The following CDKAL1 variants were observed in gnomAD, a reference collection of about 807,000 sequenced individuals.
CDKAL1 encodes CDKAL1 threonylcarbamoyladenosine tRNA methylthiotransferase.
A neutral mutation model predicts 68.2 loss-of-function variants in CDKAL1; 32 were observed. The ratio of observed to expected loss-of-function variants is 0.47; its 90% confidence interval spans 0.35 to 0.63. CDKAL1 has a LOEUF of 0.63. CDKAL1 is among the 30% of genes least tolerant of loss of function. CDKAL1 has a pLI of 0.00. For missense variants in CDKAL1, 606 were observed against 696.7 expected (o/e 0.87, Z 1.47); for synonymous variants, 234 against 244.3 (o/e 0.96, Z 0.39).
intron 5 of CDKAL1, among the ~76,000 whole-genome samples, chr6:20,736,495 G>C (rs1773199495): frequency 6.6e-6 from 1 of 152,108 alleles, no homozygotes; most frequent in Non-Finnish European, 1.5e-5. Context: ...TTCCGGCCGG[G>C]GGCGGTGGCT....
At chr6:20,914,318 A>G (rs1385156991) in intron 9 of CDKAL1, among the ~76,000 whole-genome samples, 1 of 152,120 alleles carries the variant, frequency 6.6e-6, no homozygotes, top group Non-Finnish European at 1.5e-5. Flanking sequence ...ACCAAAGTTT[A>G]TGTTATACCC....
chr6:20,858,722 A>G (rs1396590510), intron 9 of CDKAL1, among the ~76,000 whole-genome samples: 4 of 152,178 alleles, frequency 2.6e-5, no homozygotes, highest in African/African-American at 4.8e-5. Context: ...AGTGTTATAA[A>G]ATTGCATGTA....
At chr6:21,028,260 C>T (rs547552408) in intron 11 of CDKAL1, among the ~76,000 whole-genome samples, 2 of 152,290 alleles carry the variant, frequency 1.3e-5, no homozygotes, top group East Asian at 1.9e-4. Context: ...TAAGGGTTTT[C>T]TCTGTGCCAA....
chr6:21,204,924 A>T (rs1030839413), intron 15 of CDKAL1, among the ~76,000 whole-genome samples: 1 of 152,080 alleles, frequency 6.6e-6, no homozygotes, highest in Non-Finnish European at 1.5e-5. Context: ...GAAACCCTGT[A>T]CTCATTAAAC....
At chr6:20,767,324 A>G (rs1774744461) in intron 7 of CDKAL1, among the ~76,000 whole-genome samples, 1 of 152,184 alleles carries the variant, frequency 6.6e-6, no homozygotes, top group Non-Finnish European at 1.5e-5. Flanking sequence ...ACAATAGTAA[A>G]TTGTATTGTA....
chr6:20,563,409 A>G (rs963568976), intron 4 of CDKAL1, among the ~76,000 whole-genome samples: 2 of 141,140 alleles, frequency 1.4e-5, no homozygotes, highest in African/African-American at 2.4e-5. Context: ...AGCTTTAGGG[A>G]GAGTATTTGA....
At chr6:20,671,464 A>G (rs764816724) in intron 5 of CDKAL1, among the ~76,000 whole-genome samples, 5 of 152,182 alleles carry the variant, frequency 3.3e-5, no homozygotes, top group Non-Finnish European at 5.9e-5. Flanking sequence ...ATTCTTTGCC[A>G]TTAAATTTAT....
intron 9 of CDKAL1, among the ~76,000 whole-genome samples, chr6:20,903,043 A>G (rs574436964): frequency 2.0e-5 from 3 of 152,300 alleles, no homozygotes; most frequent in African/African-American, 7.2e-5. Context: ...GCAAGTTTGA[A>G]TATGTGACTT....
intron 13 of CDKAL1, among the ~76,000 whole-genome samples, chr6:21,195,504 T>TATTA (rs1778434322): frequency 6.8e-6 from 1 of 146,392 alleles, no homozygotes; most frequent in African/African-American, 2.5e-5. Context: ...TTTATTTATT[T>TATTA]ATTTATTTAT....
intron 13 of CDKAL1, among the ~76,000 whole-genome samples, chr6:21,156,472 A>G (rs1776650659): frequency 2.0e-5 from 3 of 151,658 alleles, no homozygotes; most frequent in African/African-American, 4.8e-5. Context: ...AATATACACT[A>G]CAGTGTTAAC....
At chr6:20,921,362 G>C (rs977745775) in intron 9 of CDKAL1, among the ~76,000 whole-genome samples, 1 of 152,168 alleles carries the variant, frequency 6.6e-6, no homozygotes, top group African/African-American at 2.4e-5. Context: ...CCAGGGTACA[G>C]AGGTTGCAGT....
At chr6:20,785,246 A>C (rs989140555) in intron 8 of CDKAL1, among the ~76,000 whole-genome samples, 2 of 151,998 alleles carry the variant, frequency 1.3e-5, no homozygotes, top group Non-Finnish European at 2.9e-5. Context: ...TTGCTCTCAC[A>C]TGAAAGCATT....
chr6:20,585,279 C>T (rs975030030), intron 4 of CDKAL1, among the ~76,000 whole-genome samples: 3 of 152,218 alleles, frequency 2.0e-5, no homozygotes, highest in African/African-American at 4.8e-5. Context: ...GTCTCGATCT[C>T]CTGACCTCGT....
intron 13 of CDKAL1, among the ~76,000 whole-genome samples, chr6:21,169,248 A>T (rs1362171486): frequency 6.6e-6 from 1 of 152,180 alleles, no homozygotes; most frequent in Non-Finnish European, 1.5e-5. Context: ...CCCACCAAAA[A>T]CCTGTGTGAT....
chr6:21,120,892 T>C (rs1774677280), intron 13 of CDKAL1, among the ~76,000 whole-genome samples: 2 of 152,222 alleles, frequency 1.3e-5, no homozygotes, highest in African/African-American at 2.4e-5. Context: ...TTTTTGGTCT[T>C]ACAAACAGTG....
intron 10 of CDKAL1, among the ~76,000 whole-genome samples, chr6:20,987,782 T>C (rs1766551024): frequency 6.6e-6 from 1 of 151,994 alleles, no homozygotes; most frequent in Admixed American, 6.6e-5. Context: ...GACACATCAT[T>C]TTATTTTATT....
rs115927118 is a variant in CDKAL1, at chr6:20,798,967, C to T, written c.638+17702C>T. Among the ~76,000 whole-genome samples, 662 of 138,874 alleles carry T rather than the reference C, an allele frequency of 4.8e-3. 5 individuals carry two copies. The highest frequency in any genetic ancestry group is 0.016 in the African/African-American group (612 of 38,076). The allele number at this position is 138,874 out of a possible 152,430, so 91.1% of individuals were successfully genotyped here. On this transcript the variant is annotated intron_variant, in intron 8 of 15. Coordinates refer to ENST00000274695, the MANE Select transcript of CDKAL1 (RefSeq NM_017774.3). ...AAATTGTGTTAAAAGGTTTGCATCT[C>T]ATTTAAATTGGAACAAAGTCATCTG...
chr6:20,857,248 T>C (rs2150515901), intron 9 of CDKAL1, among the ~76,000 whole-genome samples: 1 of 152,324 alleles, frequency 6.6e-6, no homozygotes, highest in African/African-American at 2.4e-5. Flanking sequence ...GTCCTCTTAG[T>C]TAATCATTTC....
intron 13 of CDKAL1, among the ~76,000 whole-genome samples, chr6:21,197,157 CA>C (rs879704581): frequency 4.6e-4 from 65 of 140,086 alleles, no homozygotes; most frequent in South Asian, 6.9e-4. Context: ...GACTCTGTCT[CA>C]AAAAAAAAAA....
Sources: gnomAD v4.1 joint callset for allele counts (sites outside exome capture counted in the v4.1 genomes callset) on GRCh38, gnomAD v4.1.1 for gene constraint, MANE v1.5 for transcripts, NCBI Gene and HGNC (gene_info 2026-07-23, HGNC 2026-07-21) for gene names.